PRDM9: variants seen among roughly 807,000 people sequenced by gnomAD.
PRDM9 encodes histone-lysine N-methyltransferase PRDM9.
A neutral mutation model predicts 55.6 loss-of-function variants in PRDM9; 47 were observed. The ratio of observed to expected loss-of-function variants is 0.85; its 90% confidence interval spans 0.67 to 1.08. The LOEUF (loss-of-function observed/expected upper bound fraction) is 1.08. Ranked by LOEUF, PRDM9 falls within the 50% of genes least tolerant of loss-of-function variation. The pLI, the probability that PRDM9 is intolerant of heterozygous loss-of-function variation, is 0.00. For synonymous variants in PRDM9, 312 were observed against 375.7 expected (o/e 0.83, Z 1.96); for missense variants, 867 against 1,040.3 (o/e 0.83, Z 2.29).
Position 23,527,803 on chromosome 5 carries a change from G to T in PRDM9, c.*30G>T, listed in dbSNP as rs1312482771. ...TTAGTAATAAAACCTCATCTCAATA[G>T]CCACAAAAAGACAAATGTGGTCACC... On this transcript the variant is annotated 3_prime_UTR_variant, in exon 11 of 11. Coordinates refer to ENST00000296682, the MANE Select transcript of PRDM9 (RefSeq NM_020227.4). 1.2e-6 allele frequency: 2 copies of T among 1,613,390 alleles called. No homozygotes were observed. The highest frequency in any genetic ancestry group is 1.7e-5 in the Admixed American group (1 of 59,888).
At chr5:23,517,498 G>A (rs879823113) in intron 4 of PRDM9, among the ~76,000 whole-genome samples, 10 of 151,916 alleles carry the variant, frequency 6.6e-5, no homozygotes, top group Non-Finnish European at 1.2e-4. Context: ...AGAAACTCCA[G>A]AGTTAGGCCC....
chr5:23,520,059 A>AT (rs902988542), intron 5 of PRDM9, among the ~76,000 whole-genome samples: 2 of 147,722 alleles, frequency 1.4e-5, no homozygotes, highest in Non-Finnish European at 3.0e-5. Context: ...AATAAAAAAA[A>AT]AAAAGAATTA....
Position 23,509,322 on chromosome 5 carries a change from G to A in PRDM9, c.70-148G>A. The A allele has an allele frequency of 4.1e-6, 6 of 1,458,794 alleles. No homozygotes were observed. The Admixed American group carries it at 1.0e-4, about 25-fold the overall frequency. The allele number at this position is 1,458,794 out of a possible 1,614,324, so 90.4% of individuals were successfully genotyped here. ...ATGCTCAGGGTCTGCTCAGTTAAAT[G>A]GGACACAGTCTGGAGAAGGAGGGAA... On this transcript the variant is annotated intron_variant, in intron 2 of 10. Coordinates refer to ENST00000296682, the MANE Select transcript of PRDM9 (RefSeq NM_020227.4).
chr5:23,517,512 A>G (rs1256320219), intron 4 of PRDM9, among the ~76,000 whole-genome samples: 3 of 152,116 alleles, frequency 2.0e-5, no homozygotes, highest in Non-Finnish European at 2.9e-5. Flanking sequence ...TAGGCCCGGC[A>G]TGGTGGCTCA....
Position 23,527,329 on chromosome 5 carries a change from C to G in PRDM9, c.2241C>G (p.Pro747=). The G allele has an allele frequency of 6.5e-7, 1 of 1,535,588 alleles. No individual in the cohort carries two copies. The highest frequency in any genetic ancestry group is 8.7e-7 in the Non-Finnish European group (1 of 1,151,554). ...AGAGGACACACACAGGGGAGAAGCC[C>G]TATGTCTGCAGGGAGTGTGGGCGGG... ...RHQRTHTGEK[P]YVCRECGRGF... The change falls in exon 11 of 11, where the codon CCC becomes CCG. Residue 747 remains proline, a synonymous_variant. Coordinates refer to ENST00000296682, the MANE Select transcript of PRDM9 (RefSeq NM_020227.4).
intron 9 of PRDM9, among the ~76,000 whole-genome samples, chr5:23,523,656 C>A (rs1421732323): frequency 6.6e-6 from 1 of 152,008 alleles, no homozygotes; most frequent in Admixed American, 6.6e-5. Flanking sequence ...TTATGTAATC[C>A]ACGTTTATTA....
At chr5:23,516,458 CACTT>C (rs1739211563) in intron 4 of PRDM9, among the ~76,000 whole-genome samples, 1 of 145,302 alleles carries the variant, frequency 6.9e-6, no homozygotes, top group Non-Finnish European at 1.5e-5. Context: ...CTGCAAGCTC[CACTT>C]CCCTGGTTCA....
intron 10 of PRDM9, among the ~76,000 whole-genome samples, chr5:23,525,330 A>G (rs1739409656): frequency 1.3e-5 from 2 of 152,174 alleles, no homozygotes; most frequent in East Asian, 3.9e-4. Flanking sequence ...CAGATGAGAG[A>G]GAATGGTGGG....
rs199745144 is a variant in PRDM9, at chr5:23,526,690, T to C, written c.1602T>C (p.Ser534=). The C allele has an allele frequency of 6.2e-7, 1 of 1,614,238 alleles. No individual in the cohort carries two copies. Among genetic ancestry groups the C allele is most frequent in the Non-Finnish European group, 8.5e-7 (1 of 1,180,050 alleles). The part of the protein sequence containing the change: ...VKYGECGQGF[S]VKSDVITHQR... ...ATGGAGAGTGTGGACAAGGTTTCAG[T>C]GTTAAATCAGATGTTATTACACACC... The change falls in exon 11 of 11, where the codon AGT becomes AGC. Residue 534 remains serine, a synonymous_variant. Transcript: ENST00000296682.
At position 23,526,731 on chromosome 5, in the gene PRDM9, G is replaced by A; in HGVS notation, c.1643G>A (p.Gly548Glu). 6.2e-7 allele frequency: 1 copy of A among 1,613,484 alleles called. No individual in the cohort carries two copies. The highest frequency in any genetic ancestry group is 8.5e-7 in the Non-Finnish European group (1 of 1,179,820). The change falls in exon 11 of 11, where the codon GGG becomes GAG. Residue 548 changes from glycine (G) to glutamate (E), a missense_variant. Coordinates refer to ENST00000296682, the MANE Select transcript of PRDM9 (RefSeq NM_020227.4). Reference sequence around the variant, plus strand: ...ATTACACACCAAAGGACACATACAGGGGAGAAGCTCTACGTCTGCAGGGAG... The same window carrying A: ...ATTACACACCAAAGGACACATACAGAGGAGAAGCTCTACGTCTGCAGGGAG... Reference protein sequence around the residue: ...DVITHQRTHTGEKLYVCRECG... With the variant: ...DVITHQRTHTEEKLYVCRECG...
rs766461745 is a variant in PRDM9, at chr5:23,522,674, T to G, written c.671T>G (p.Phe224Cys). 1 of 1,614,068 alleles carries G rather than the reference T, an allele frequency of 6.2e-7. No individual in the cohort carries two copies. Among genetic ancestry groups the G allele is most frequent in the African/African-American group, 1.3e-5 (1 of 74,930 alleles). ...TGTGCTGCCCATGGGCCCCCTACATTTGTAAAGGACAGTGCAGTGGACAAG... is the reference window on the plus strand; with the variant it reads ...TGTGCTGCCCATGGGCCCCCTACATGTGTAAAGGACAGTGCAGTGGACAAG... ...DSCAAHGPPT[F>C]VKDSAVDKGH... Residue 224 changes from phenylalanine to cysteine, a missense_variant, in exon 8 of 11, where the codon TTT becomes TGT. Phe to Cys is a radical substitution (Grantham distance 205, BLOSUM62 -2). Around this residue, in one of 5 missense-constraint regions of PRDM9, gnomAD observed 662 missense variants for 711.9 expected, o/e 0.93. Coordinates refer to ENST00000296682, the MANE Select transcript of PRDM9 (RefSeq NM_020227.4).
Position 23,525,844 on chromosome 5 carries a change from A to G in PRDM9, c.1145-389A>G, listed in dbSNP as rs570138747. 3.5e-3 allele frequency among the ~76,000 whole-genome samples: 537 copies of G among 152,292 alleles called. 1 individual carries two copies. The highest frequency in any genetic ancestry group is 0.012 in the African/African-American group (504 of 41,560). ...AAATAGCTGAAGGTCTCATGTCAGC[A>G]AAAGTGCCCAGGGACCAGGGAGGGA... On this transcript the variant is annotated intron_variant, in intron 10 of 10. Coordinates refer to ENST00000296682, the MANE Select transcript of PRDM9 (RefSeq NM_020227.4).
rs13154437 is a variant in PRDM9 at position 23,527,814 on chromosome 5, A to G, written c.*41A>G. ...ACCTCATCTCAATAGCCACAAAAAGACAAATGTGGTCACCACACACTTGCA... is the reference window on the plus strand; with the variant it reads ...ACCTCATCTCAATAGCCACAAAAAGGCAAATGTGGTCACCACACACTTGCA... On this transcript the variant is annotated 3_prime_UTR_variant, in exon 11 of 11. Transcript: ENST00000296682. The G allele has an allele frequency of 6.8e-4, 1,102 of 1,611,956 alleles. No individual in the cohort carries two copies. Among genetic ancestry groups the G allele is most frequent in the Non-Finnish European group, 7.6e-4 (898 of 1,178,536 alleles).
At chr5:23,517,613 C>T (rs1298879431) in intron 4 of PRDM9, among the ~76,000 whole-genome samples, 2 of 151,984 alleles carry the variant, frequency 1.3e-5, no homozygotes, top group Non-Finnish European at 2.9e-5. Flanking sequence ...TGGAGAAACC[C>T]TATCTCTACT....
intron 5 of PRDM9, among the ~76,000 whole-genome samples, chr5:23,520,051 TAAA>T (rs34096414): frequency 7.1e-6 from 1 of 141,770 alleles, no homozygotes; most frequent in Non-Finnish European, 1.5e-5. Context: ...CTCAAAAAAA[TAAA>T]AAAAAAAAAG....
chr5:23,509,990 A>G lies in PRDM9; in HGVS notation c.264A>G (p.Thr88=). ...RQAIKLQVDD[T]EDSDEEWTPR... is the part of the protein sequence containing the mutation. ...CCATCAAACTCCAGGTGGATGACAC[A>G]GAAGATTCTGATGAAGAATGGACCC... The change falls in exon 4 of 11, where the codon ACA becomes ACG. Residue 88 remains threonine, a synonymous_variant. Transcript: ENST00000296682. The G allele has an allele frequency of 6.2e-7, 1 of 1,613,994 alleles. No individual in the cohort carries two copies. The highest frequency in any genetic ancestry group is 8.5e-7 in the Non-Finnish European group (1 of 1,179,986).
At chr5:23,517,835 T>A in intron 4 of PRDM9, 46 bp from the exon 5 acceptor site, 1 of 1,489,732 alleles carries the variant, frequency 6.7e-7, no homozygotes, top group Non-Finnish European at 9.4e-7. Flanking sequence ...CTCTAGTGTT[T>A]GGAAACATTT....
At chr5:23,510,808 AT>A (rs1739080772) in intron 4 of PRDM9, among the ~76,000 whole-genome samples, 2 of 151,938 alleles carry the variant, frequency 1.3e-5, no homozygotes, top group Admixed American at 1.3e-4. Context: ...AAGTGCTAGG[AT>A]TACAGGCATG....
chr5:23,507,962 C>A (rs1739018210), intron 1 of PRDM9, among the ~76,000 whole-genome samples: 1 of 152,088 alleles, frequency 6.6e-6, no homozygotes, highest in South Asian at 2.1e-4. Flanking sequence ...AGCCGCAATT[C>A]CCCTCACCCT....
Sources: gnomAD v4.1 joint callset for allele counts (sites outside exome capture counted in the v4.1 genomes callset) on GRCh38, gnomAD v4.1.1 for gene constraint, gnomAD v4.1.1 regional missense constraint, MANE v1.5 for transcripts, NCBI Gene and HGNC (gene_info 2026-07-23, HGNC 2026-07-21) for gene names.